CMTM8: variants seen among roughly 807,000 people sequenced by gnomAD.
CMTM8 encodes the protein CKLF like MARVEL transmembrane domain containing 8, also known as CKLF-like MARVEL transmembrane domain-containing protein 8.
A neutral mutation model predicts 18.6 loss-of-function variants in CMTM8; 12 were observed. The ratio of observed to expected loss-of-function variants is 0.65; its 90% CI spans 0.41 to 1.05. The LOEUF is 1.05. CMTM8 is among the 50% of genes least tolerant of loss of function. CMTM8 has a pLI of 0.00. For missense variants in CMTM8, 217 were observed against 227.2 expected, an observed-to-expected ratio of 0.95 and a Z score of 0.29; for synonymous variants, 87 against 90.6, an observed-to-expected ratio of 0.96 and a Z score of 0.23.
chr3:32,346,242 A>T (rs1575088496), intron 1 of CMTM8, among the ~76,000 whole-genome samples: 1 of 152,292 alleles, frequency 6.6e-6, no homozygotes, highest in South Asian at 2.1e-4. Flanking sequence ...CTTGTGAAAA[A>T]CAGAAGTTCT....
intron 1 of CMTM8, among the ~76,000 whole-genome samples, chr3:32,282,283 T>C (rs1702619574): frequency 6.6e-6 from 1 of 152,166 alleles, no homozygotes; most frequent in African/African-American, 2.4e-5. Context: ...GAAAAAGGAA[T>C]AGAGGAGATG....
intron 1 of CMTM8, among the ~76,000 whole-genome samples, chr3:32,296,837 A>G (rs944682568): frequency 6.6e-6 from 1 of 152,200 alleles, no homozygotes; most frequent in Non-Finnish European, 1.5e-5. Flanking sequence ...ACAAAGGGAA[A>G]AACCAGGGCG....
At chr3:32,331,938 A>G (rs915941102) in intron 1 of CMTM8, among the ~76,000 whole-genome samples, 3 of 152,208 alleles carry the variant, frequency 2.0e-5, no homozygotes, top group Non-Finnish European at 2.9e-5. Context: ...TACAAGATGA[A>G]AAAGTTCTAG....
At chr3:32,354,448 C>G (rs9682322) in intron 1 of CMTM8, among the ~76,000 whole-genome samples, 1 of 152,020 alleles carries the variant, frequency 6.6e-6, no homozygotes, top group Non-Finnish European at 1.5e-5. Context: ...CTTTGAAAGA[C>G]GGCTCAGTTA....
At chr3:32,244,062 C>G (rs1161572487) in intron 1 of CMTM8, 2 of 163,382 alleles carry the variant, frequency 1.2e-5, no homozygotes, top group African/African-American at 2.4e-5. Flanking sequence ...ATAGCTGCCC[C>G]CTGCGCCGCC....
At chr3:32,268,421 A>G (rs1405117287) in intron 1 of CMTM8, among the ~76,000 whole-genome samples, 1 of 152,138 alleles carries the variant, frequency 6.6e-6, no homozygotes, top group Non-Finnish European at 1.5e-5. Context: ...AGGAGGGGGA[A>G]CATCACACCC....
intron 1 of CMTM8, among the ~76,000 whole-genome samples, chr3:32,298,400 G>A (rs1695527296): frequency 6.7e-6 from 1 of 150,186 alleles, no homozygotes. Flanking sequence ...ATAAATATTT[G>A]AGGATCTAAA....
At chr3:32,366,170 A>C (rs574393677) in intron 2 of CMTM8, among the ~76,000 whole-genome samples, 14 of 152,294 alleles carry the variant, frequency 9.2e-5, no homozygotes, top group African/African-American at 3.4e-4. Context: ...AAACTGGCAG[A>C]GCCCCCAGTG....
intron 1 of CMTM8, among the ~76,000 whole-genome samples, chr3:32,303,816 T>C (rs2125564743): frequency 6.6e-6 from 1 of 152,328 alleles, no homozygotes; most frequent in South Asian, 2.1e-4. Context: ...CACTGGGAAG[T>C]TGCAGGCCTG....
At chr3:32,336,287 C>G (rs183443671) in intron 1 of CMTM8, among the ~76,000 whole-genome samples, 1 of 152,340 alleles carries the variant, frequency 6.6e-6, no homozygotes. Flanking sequence ...AGCCGGTTCT[C>G]AGGCTCTGTG....
intron 2 of CMTM8, among the ~76,000 whole-genome samples, chr3:32,359,695 A>G (rs1470021338): frequency 2.6e-5 from 4 of 152,198 alleles, no homozygotes; most frequent in African/African-American, 9.7e-5. Context: ...CTCCAAGCCT[A>G]AAACTCCTTC....
At chr3:32,248,999 C>G (rs933875788) in intron 1 of CMTM8, among the ~76,000 whole-genome samples, 8 of 129,398 alleles carry the variant, frequency 6.2e-5, no homozygotes, top group Admixed American at 3.3e-4. Flanking sequence ...GAGCATTTAG[C>G]AAAGAATGGA....
chr3:32,314,849 G>A (rs1229558553), intron 1 of CMTM8, among the ~76,000 whole-genome samples: 1 of 134,160 alleles, frequency 7.5e-6, no homozygotes, highest in Admixed American at 7.9e-5. Context: ...TAGGCTCAGG[G>A]TTGGGTGGCG....
At chr3:32,297,324 G>A (rs968508835) in intron 1 of CMTM8, among the ~76,000 whole-genome samples, 13 of 151,974 alleles carry the variant, frequency 8.6e-5, no homozygotes, top group Admixed American at 2.0e-4. Flanking sequence ...GATTACAGGC[G>A]CCCGCCACTG....
At chr3:32,281,468 TAGAC>T (rs1702609720) in intron 1 of CMTM8, among the ~76,000 whole-genome samples, 1 of 152,180 alleles carries the variant, frequency 6.6e-6, no homozygotes. Context: ...AGTATCTAAA[TAGAC>T]AGTTTATCTG....
At chr3:32,289,842 A>G (rs904770151) in intron 1 of CMTM8, among the ~76,000 whole-genome samples, 1 of 152,182 alleles carries the variant, frequency 6.6e-6, no homozygotes, top group African/African-American at 2.4e-5. Flanking sequence ...GGATGGGGGA[A>G]AAAGGAGGCC....
intron 1 of CMTM8, among the ~76,000 whole-genome samples, chr3:32,305,054 C>T (rs73069415): frequency 0.067 from 10,142 of 152,130 alleles, 450 homozygotes; most frequent in South Asian, 0.11. Context: ...CTCCCTTGGG[C>T]GGCATTAGGT....
intron 1 of CMTM8, among the ~76,000 whole-genome samples, chr3:32,351,292 A>G (rs1213664119): frequency 6.6e-6 from 1 of 152,246 alleles, no homozygotes; most frequent in African/African-American, 2.4e-5. Flanking sequence ...TATAGAACTC[A>G]ATGCTAGTGG....
At chr3:32,331,866 C>T (rs1263922130) in intron 1 of CMTM8, among the ~76,000 whole-genome samples, 1 of 151,954 alleles carries the variant, frequency 6.6e-6, no homozygotes, top group East Asian at 1.9e-4. Context: ...AAGTAGAATG[C>T]CAAGGGATAA....
Sources: allele counts gnomAD v4.1 joint callset (sites outside exome capture counted in the v4.1 genomes callset), GRCh38; gene constraint gnomAD v4.1.1; transcripts MANE v1.5; gene names NCBI Gene and HGNC (gene_info 2026-07-23, HGNC 2026-07-21).